GET4: variants seen among roughly 807,000 people sequenced by gnomAD.
GET4 encodes the protein Golgi to ER traffic protein 4 homolog.
A neutral mutation model predicts 40.0 loss-of-function variants in GET4; 20 were observed. That is an observed-to-expected ratio of 0.50 (90% CI 0.35 to 0.73). GET4 has a LOEUF of 0.73. Ranked by LOEUF, GET4 falls within the 30% of genes least tolerant of loss-of-function variation. The pLI is 0.01. For synonymous variants in GET4, 280 were observed against 194.6 expected (o/e 1.44, Z -3.65); for missense variants, 557 against 454.0 (o/e 1.23, Z -2.06).
intron 1 of GET4, chr7:878,351 G>A: frequency 2.1e-6 from 1 of 471,112 alleles, no homozygotes; most frequent in South Asian, 1.5e-5. Flanking sequence ...TGTAAATTAT[G>A]CATATCAGAT....
intron 1 of GET4, chr7:885,250 C>T (rs113557738): frequency 6.6e-6 from 1 of 152,258 alleles, no homozygotes; most frequent in Non-Finnish European, 1.5e-5. Flanking sequence ...ATAACATGTT[C>T]TGGGCCCCAC....
chr7:893,619 G>C, intron 6 of GET4, 121 bp from the exon 7 acceptor site: 1 of 640,216 alleles, frequency 1.6e-6, no homozygotes, highest in South Asian at 1.7e-5. Context: ...GTGCAGGTGA[G>C]TGTTGGGCGC....
chr7:878,275 C>G (rs538727456), intron 1 of GET4: 15 of 470,992 alleles, frequency 3.2e-5, no homozygotes, highest in Non-Finnish European at 6.2e-5. Context: ...CAGGACTGCT[C>G]TGTTCCAGTA....
rs1844350198 is a variant in GET4 at position 892,520 on chromosome 7, GGTGTGGGTAGCC to G, written c.746+112_746+123del. ...TGGGTGTGTGTGCAAGTGTAGCCATGGTGTGGGTAGCCGTGTGGGTATATGCATAGGGTATGA... is the reference window on the plus strand; with the variant it reads ...TGGGTGTGTGTGCAAGTGTAGCCATGGTGTGGGTATATGCATAGGGTATGA... On this transcript the variant is annotated intron_variant, in intron 6 of 8. Transcript: ENST00000265857. 3 of 1,303,030 alleles carry G rather than the reference GGTGTGGGTAGCC, an allele frequency of 2.3e-6. No individual in the cohort carries two copies. The East Asian group carries it at 7.1e-5, about 31-fold the overall frequency. 80.7% of individuals were successfully genotyped at this position (1,303,030 alleles called of 1,614,324 possible).
At position 876,693 on chromosome 7, in the gene GET4, C is replaced by T. The variant is rs1364689208; in HGVS notation, c.48C>T (p.Gly16=). The T allele has an allele frequency of 1.6e-5, 21 of 1,350,172 alleles. No homozygotes were observed. Among genetic ancestry groups the T allele is most frequent in the Admixed American group, 3.3e-5 (1 of 30,650 alleles). The allele number at this position is 1,350,172 out of a possible 1,614,324, so 83.6% of individuals were successfully genotyped here. A position where few individuals can be genotyped will look rare whatever the true frequency, so the allele number is the denominator to read the frequency against. The change falls in exon 1 of 9, where the codon GGC becomes GGT. Residue 16 remains glycine, a synonymous_variant. Coordinates refer to ENST00000265857, the MANE Select transcript of GET4 (RefSeq NM_015949.3). ...CCGAGCAGGAGAGCGCCCGGAACGG[C>T]GGCCGCAACCGCGGCGGCGTCCAGC... is the stretch of plus-strand genomic sequence containing the variant. The part of the protein sequence containing the change: ...AMAEQESARN[G]GRNRGGVQRV...
At chr7:878,139 T>C (rs1336818004) in intron 1 of GET4, 3 of 397,254 alleles carry the variant, frequency 7.6e-6, no homozygotes, top group Non-Finnish European at 1.6e-5. Context: ...CGGTGACACC[T>C]GCACGGCCGG....
chr7:891,208 T>C (rs1844314517), intron 5 of GET4, 142 bp downstream of exon 5: 2 of 620,650 alleles, frequency 3.2e-6, no homozygotes, highest in Non-Finnish European at 5.6e-6. Flanking sequence ...AGTGCACTTG[T>C]CAGCCTGACC....
chr7:884,379 C>G (rs1844146450), intron 1 of GET4: 1 of 1,299,230 alleles, frequency 7.7e-7, no homozygotes, highest in Admixed American at 2.3e-5. Flanking sequence ...GTCGAGGCTC[C>G]TGCTGTGGTG....
intron 4 of GET4, among the ~76,000 whole-genome samples, chr7:889,383 TGTGCTTCCCTG>T (rs1183736328): frequency 3.3e-5 from 5 of 152,364 alleles, no homozygotes; most frequent in South Asian, 2.1e-4. Context: ...ACTTGGGCTA[TGTGCTTCCCTG>T]GTGCTTCCCT....
intron 1 of GET4, chr7:878,314 T>G: frequency 2.1e-6 from 1 of 471,192 alleles, no homozygotes; most frequent in African/African-American, 2.0e-5. Context: ...TACTGCAGAA[T>G]GTTCAGTTGT....
intron 1 of GET4, chr7:884,431 C>T (rs1187252601): frequency 8.6e-7 from 1 of 1,166,548 alleles, no homozygotes; most frequent in Non-Finnish European, 1.1e-6. Context: ...GTGCGGGGAG[C>T]ACAGCAAAAC....
intron 1 of GET4, 42 bp from the exon 2 acceptor site, chr7:886,014 G>T: frequency 8.4e-7 from 1 of 1,191,806 alleles, no homozygotes; most frequent in Middle Eastern, 1.9e-4. Context: ...GCGCGGTGGC[G>T]AGGGCACGTG....
chr7:895,112 C>T (rs1356613517), intron 8 of GET4, among the ~76,000 whole-genome samples: 3 of 151,870 alleles, frequency 2.0e-5, no homozygotes, highest in African/African-American at 4.8e-5. Flanking sequence ...TCTGTGGAGT[C>T]CCCCGTGGCT....
intron 3 of GET4, chr7:887,086 G>T: frequency 1.6e-6 from 1 of 630,030 alleles, no homozygotes; most frequent in South Asian, 1.5e-5. Context: ...CAGGTACCCA[G>T]AGCGGCCACA....
chr7:892,731 G>A (rs951676656), intron 6 of GET4, among the ~76,000 whole-genome samples: 34 of 150,332 alleles, frequency 2.3e-4, no homozygotes, highest in East Asian at 2.0e-4. Context: ...GGGTGCAGAC[G>A]TCTGGGGGGT....
Position 886,060 on chromosome 7 carries a change from A to C in GET4, c.160A>C (p.Met54Leu). 6.3e-7 allele frequency: 1 copy of C among 1,596,684 alleles called. No individual in the cohort carries two copies. The highest frequency in any genetic ancestry group is 8.6e-7 in the Non-Finnish European group (1 of 1,166,054). Reference sequence around the variant, plus strand: ...ACGGTCTCCTCTCTGTGGCAGGTACATGTCCCAGAGCAAGCACACGGAGGC... The same window carrying C: ...ACGGTCTCCTCTCTGTGGCAGGTACCTGTCCCAGAGCAAGCACACGGAGGC... ...QMYRTLFFRYMSQSKHTEARE... is the reference protein window; with the variant it reads ...QMYRTLFFRYLSQSKHTEARE... Residue 54 changes from methionine to leucine, a missense_variant, in exon 2 of 9, where the codon ATG (methionine) becomes CTG (leucine). Transcript: ENST00000265857.
chr7:879,356 C>T (rs2128626371), intron 1 of GET4, among the ~76,000 whole-genome samples: 2 of 152,316 alleles, frequency 1.3e-5, no homozygotes, highest in East Asian at 3.9e-4. Context: ...GAGTGGATGC[C>T]ATTTCGTTGC....
chr7:890,784 C>G, intron 4 of GET4, 144 bp from the exon 5 acceptor site: 1 of 662,322 alleles, frequency 1.5e-6, no homozygotes, highest in Non-Finnish European at 2.7e-6. Flanking sequence ...GAGTCCCTAT[C>G]AGGACCTCTG....
intron 1 of GET4, among the ~76,000 whole-genome samples, chr7:877,099 C>G (rs956622335): frequency 1.3e-5 from 2 of 151,694 alleles, no homozygotes; most frequent in Admixed American, 1.3e-4. Flanking sequence ...CCTCCTCCGT[C>G]CCCACACGCC....
Sources: gnomAD v4.1 joint callset for allele counts (sites outside exome capture counted in the v4.1 genomes callset) on GRCh38, gnomAD v4.1.1 for gene constraint, MANE v1.5 for transcripts, NCBI Gene and HGNC (gene_info 2026-07-23, HGNC 2026-07-21) for gene names.